BRCA1: variants seen among roughly 807,000 people sequenced by gnomAD.
BRCA1 encodes the protein BRCA1 DNA repair associated.
BRCA1 carries 140 observed loss-of-function variants against 173.7 expected under a neutral mutation model. That is an observed-to-expected ratio of 0.81 (90% CI 0.70 to 0.93). The LOEUF (loss-of-function observed/expected upper bound fraction) is 0.93, where lower values mean the gene tolerates loss of function less well. Among genes scored for constraint, BRCA1 ranks in the 40% least tolerant of loss-of-function variants. BRCA1 has a pLI of 0.00. For synonymous variants in BRCA1, 662 were observed against 756.0 expected (o/e 0.88, Z 2.04); for missense variants, 1,983 against 2,172.5 (o/e 0.91, Z 1.73).
intron 1 of BRCA1, chr17:43,161,611 T>C (rs958393357): frequency 6.6e-6 from 1 of 152,286 alleles, no homozygotes; most frequent in African/African-American, 2.4e-5. Flanking sequence ...GGAAATTTAC[T>C]GAATGGATTT....
At chr17:43,060,284 T>TGTCC (rs1229788572) in intron 18 of BRCA1, among the ~76,000 whole-genome samples, 1 of 152,018 alleles carries the variant, frequency 6.6e-6, no homozygotes, top group African/African-American at 2.4e-5. Context: ...CTCAGTGATC[T>TGTCC]GTCCGCCTTG....
rs147519994 is a variant in BRCA1, at chr17:43,094,798, C to A, written c.733G>T (p.Asp245Tyr). 6 of 1,613,312 alleles carry A rather than the reference C, an allele frequency of 3.7e-6. No individual in the cohort carries two copies. The African/African-American group carries it at 5.3e-5, about 14-fold the overall frequency. The change falls in exon 10 of 23, where the codon GAT (aspartate) becomes TAT (tyrosine). Residue 245 changes from aspartate (D) to tyrosine (Y), a missense_variant. Asp to Tyr is a radical substitution (Grantham distance 160). Transcript: ENST00000357654. Reference protein sequence around the residue: ...NTEHHQPSNNDLNTTEKRAAE... With the variant: ...NTEHHQPSNNYLNTTEKRAAE... ...GCACGCTTCTCAGTGGTGTTCAAAT[C>A]ATTATTACTGGGTTGATGATGTTCA...
At chr17:43,082,155 G>GT (rs1431789690) in intron 12 of BRCA1, among the ~76,000 whole-genome samples, 4 of 152,166 alleles carry the variant, frequency 2.6e-5, no homozygotes, top group Admixed American at 6.5e-5. Flanking sequence ...TGTATACCAT[G>GT]TATCTTCCAT....
chr17:43,169,621 C>A (rs1440191635), intron 1 of BRCA1, among the ~76,000 whole-genome samples: 1 of 152,050 alleles, frequency 6.6e-6, no homozygotes, highest in African/African-American at 2.4e-5. Context: ...GGGTTCACAA[C>A]GCCTTATGCC....
chr17:43,094,797 T>A lies in BRCA1; in HGVS notation c.734A>T (p.Asp245Val), dbSNP rs80356865. Residue 245 changes from aspartate (D) to valine (V), a missense_variant, in exon 10 of 23, where the codon GAT becomes GTT. Physicochemically the swap from Asp to Val is radical, Grantham distance 152. Coordinates refer to ENST00000357654, the MANE Select transcript of BRCA1 (RefSeq NM_007294.4). ...TGCACGCTTCTCAGTGGTGTTCAAA[T>A]CATTATTACTGGGTTGATGATGTTC... Reference protein sequence around the residue: ...NTEHHQPSNNDLNTTEKRAAE... With the variant: ...NTEHHQPSNNVLNTTEKRAAE... 4.3e-6 allele frequency: 7 copies of A among 1,613,430 alleles called. No individual in the cohort carries two copies. The highest frequency in any genetic ancestry group is 5.9e-6 in the Non-Finnish European group (7 of 1,179,786).
intron 7 of BRCA1, 64 bp downstream of exon 7, chr17:43,099,711 C>T: frequency 7.0e-7 from 1 of 1,438,742 alleles, no homozygotes; most frequent in Admixed American, 1.7e-5. Flanking sequence ...AGATTTTTGG[C>T]AAAACTATAA....
At chr17:43,123,901 T>C (rs895167545) in intron 2 of BRCA1, 116 bp downstream of exon 2, 1 of 808,376 alleles carries the variant, frequency 1.2e-6, no homozygotes, top group Non-Finnish European at 2.1e-6. Context: ...GCAATTACAA[T>C]AGCCTAATCT....
upstream of BRCA1, among the ~76,000 whole-genome samples, chr17:43,129,380 C>G (rs1597929627): frequency 6.6e-6 from 1 of 152,190 alleles, no homozygotes; most frequent in Non-Finnish European, 1.5e-5. Context: ...GCTGGAGGAG[C>G]TCCAGAATAT....
intron 12 of BRCA1, chr17:43,079,288 A>G (rs1476095148): frequency 2.5e-5 from 37 of 1,460,922 alleles, no homozygotes; most frequent in Non-Finnish European, 3.5e-5. Context: ...ACCATCTTTC[A>G]GTAATTTGCC....
chr17:43,104,348 A>G lies in BRCA1; in HGVS notation c.302-87T>C, dbSNP rs273899697. 2.3e-5 allele frequency: 32 copies of G among 1,401,940 alleles called. No individual in the cohort carries two copies. Among genetic ancestry groups the G allele is most frequent in the Non-Finnish European group, 7.9e-6 (8 of 1,009,292 alleles). The allele number at this position is 1,401,940 out of a possible 1,614,324, so 86.8% of individuals were successfully genotyped here. On this transcript the variant is annotated intron_variant, in intron 5 of 22. Coordinates refer to ENST00000357654, the MANE Select transcript of BRCA1 (RefSeq NM_007294.4). ...AAAGAAACCAAGAGAAACCCTATGT[A>G]TGCTCTTTGTTGTGTTAAGACAATG...
At chr17:43,134,578 A>G (rs1461421796) in intron 1 of BRCA1, among the ~76,000 whole-genome samples, 1 of 152,178 alleles carries the variant, frequency 6.6e-6, no homozygotes, top group Non-Finnish European at 1.5e-5. Flanking sequence ...GCCAAGGTGA[A>G]AGGATTTCCC....
chr17:43,131,252 G>A (rs1357079685), intron 1 of BRCA1: 22 of 375,204 alleles, frequency 5.9e-5, no homozygotes, highest in African/African-American at 1.5e-4. Flanking sequence ...TAAAATACCT[G>A]GATGAGGAAG....
At chr17:43,149,235 A>G (rs1036812764) in intron 1 of BRCA1, among the ~76,000 whole-genome samples, 4 of 146,724 alleles carry the variant, frequency 2.7e-5, no homozygotes, top group African/African-American at 1.0e-4. Flanking sequence ...AGTAGCTGGG[A>G]TTACAGGTGC....
intron 19 of BRCA1, among the ~76,000 whole-genome samples, chr17:43,053,003 A>C (rs1395025328): frequency 2.0e-5 from 3 of 151,110 alleles, no homozygotes; most frequent in African/African-American, 7.3e-5. Flanking sequence ...CAGCCTCCCT[A>C]GTAGCTGGGA....
intron 1 of BRCA1, among the ~76,000 whole-genome samples, chr17:43,137,650 G>A (rs560710345): frequency 5.3e-5 from 8 of 152,268 alleles, no homozygotes; most frequent in African/African-American, 1.9e-4. Context: ...GGAGGTCAAG[G>A]TGAGCGGATC....
At chr17:43,144,707 C>A (rs1213109248) in intron 1 of BRCA1, 1 of 235,518 alleles carries the variant, frequency 4.2e-6, no homozygotes, top group South Asian at 5.0e-5. Context: ...TATATATATT[C>A]TTTAATATAA....
rs1366951394 is a variant in BRCA1 at position 43,100,460 on chromosome 17, G to T, written c.442-580C>A. Among the ~76,000 whole-genome samples the T allele has an allele frequency of 2.8e-5, 4 of 144,590 alleles. No individual in the cohort carries two copies. The Admixed American group carries it at 2.9e-4, about 11-fold the overall frequency. The allele number at this position is 144,590 out of a possible 152,430, so 94.9% of individuals were successfully genotyped here. On this transcript the variant is annotated intron_variant, in intron 6 of 22. Transcript: ENST00000357654. ...AAGTTCAAGAGATTCTCCTGCCTCA[G>T]CCTCCTGAGTAGCTGGGTCTACAAG... is the stretch of plus-strand genomic sequence containing the variant.
At chr17:43,119,002 G>A (rs1179190872) in intron 2 of BRCA1, 1 of 212,994 alleles carries the variant, frequency 4.7e-6, no homozygotes, top group Non-Finnish European at 9.5e-6. Context: ...CTGACCTCAA[G>A]TGATCCATCT....
At chr17:43,073,811 G>C (rs1359598215) in intron 14 of BRCA1, among the ~76,000 whole-genome samples, 4 of 151,980 alleles carry the variant, frequency 2.6e-5, no homozygotes, top group Admixed American at 2.6e-4. Flanking sequence ...CTGGAGTGCA[G>C]TGGTGTGATC....
Sources: gnomAD v4.1 joint callset for allele counts (sites outside exome capture counted in the v4.1 genomes callset) on GRCh38, gnomAD v4.1.1 for gene constraint, MANE v1.5 for transcripts, NCBI Gene and HGNC (gene_info 2026-07-23, HGNC 2026-07-21) for gene names.